The following LRRTM4 variants were observed in gnomAD, a reference collection of about 807,000 sequenced individuals.
LRRTM4 encodes leucine rich repeat transmembrane neuronal 4.
In LRRTM4, 25 loss-of-function variants were observed where a neutral mutation model predicts 47.6. The observed-to-expected ratio is 0.53, with a 90% CI of 0.38 to 0.73. The LOEUF (loss-of-function observed/expected upper bound fraction) is 0.73, where lower values mean the gene tolerates loss of function less well. Ranked by LOEUF, LRRTM4 falls within the 30% of genes least tolerant of loss-of-function variation. The probability of loss-of-function intolerance (pLI) is 0.00; values close to 1 mark genes in which losing one functional copy is unlikely to be tolerated. For missense variants in LRRTM4, 638 were observed against 713.4 expected (o/e 0.89, Z 1.20); for synonymous variants, 311 against 269.5 (o/e 1.15, Z -1.51).
Position 76,807,436 on chromosome 2 carries a change from ACG to A in LRRTM4, c.1552-58522_1552-58521del, listed in dbSNP as rs371747340. Among the ~76,000 whole-genome samples the A allele has an allele frequency of 8.5e-3, 518 of 60,862 alleles. 7 individuals are homozygous for A. The East Asian group carries it at 0.13, about 15-fold the overall frequency. 39.9% of individuals were successfully genotyped at this position (60,862 alleles called of 152,430 possible). A position where few individuals can be genotyped will look rare whatever the true frequency, so the allele number is the denominator to read the frequency against. ...TATATATATATATACATATATATAT[ACG>A]TATATACATATATATATATACATAT... On this transcript the variant is annotated intron_variant, in intron 3 of 3. Transcript: ENST00000409884.
intron 3 of LRRTM4, among the ~76,000 whole-genome samples, chr2:77,197,077 T>C (rs990293180): frequency 6.6e-6 from 1 of 152,172 alleles, no homozygotes; most frequent in African/African-American, 2.4e-5. Flanking sequence ...TCATCTATTT[T>C]AAATTACAAC....
chr2:76,803,529 G>T (rs1278932822), intron 3 of LRRTM4, among the ~76,000 whole-genome samples: 4 of 152,126 alleles, frequency 2.6e-5, no homozygotes, highest in Non-Finnish European at 5.9e-5. Flanking sequence ...ATGTGTAAAA[G>T]GATATAGAGG....
intron 3 of LRRTM4, among the ~76,000 whole-genome samples, chr2:77,131,036 G>T (rs1671788944): frequency 6.8e-6 from 1 of 146,278 alleles, no homozygotes; most frequent in African/African-American, 2.5e-5. Context: ...GGGTTTCACC[G>T]TTTTAGCCGG....
At chr2:77,023,923 T>C (rs1284599735) in intron 3 of LRRTM4, among the ~76,000 whole-genome samples, 1 of 152,088 alleles carries the variant, frequency 6.6e-6, no homozygotes, top group African/African-American at 2.4e-5. Context: ...TCTGTTCTCA[T>C]GCTGCTGATA....
chr2:77,207,900 T>C (rs1323248499), intron 3 of LRRTM4, among the ~76,000 whole-genome samples: 2 of 78,834 alleles, frequency 2.5e-5, no homozygotes, highest in Admixed American at 3.0e-4. Context: ...TTTTGTGAGA[T>C]GTAGTCTTGC....
chr2:77,220,277 G>C (rs906165172), intron 3 of LRRTM4, among the ~76,000 whole-genome samples: 1 of 152,118 alleles, frequency 6.6e-6, no homozygotes, highest in African/African-American at 2.4e-5. Context: ...AGAAAAACCG[G>C]AAACTCTAAA....
intron 3 of LRRTM4, among the ~76,000 whole-genome samples, chr2:77,221,124 G>T (rs1348392293): frequency 8.5e-5 from 13 of 152,092 alleles, no homozygotes; most frequent in African/African-American, 1.2e-4. Context: ...AAGTGAAGGA[G>T]AAATAAAATA....
chr2:76,785,475 G>T (rs1369882114), intron 3 of LRRTM4, among the ~76,000 whole-genome samples: 1 of 152,090 alleles, frequency 6.6e-6, no homozygotes, highest in African/African-American at 2.4e-5. Flanking sequence ...TAGAAAAGCA[G>T]ATCATATGGG....
intron 3 of LRRTM4, among the ~76,000 whole-genome samples, chr2:76,992,963 A>G (rs75415155): frequency 0.016 from 2,413 of 151,944 alleles, 63 homozygotes; most frequent in African/African-American, 0.056. Context: ...ACCCAGAAAT[A>G]AAGCCCACAC....
At chr2:76,906,022 G>T (rs150157637) in intron 3 of LRRTM4, among the ~76,000 whole-genome samples, 1 of 151,974 alleles carries the variant, frequency 6.6e-6, no homozygotes, top group Admixed American at 6.6e-5. Flanking sequence ...CTCGAGAAGA[G>T]CAACTCCAAG....
chr2:77,087,662 C>A (rs1337965086), intron 3 of LRRTM4, among the ~76,000 whole-genome samples: 1 of 152,086 alleles, frequency 6.6e-6, no homozygotes, highest in African/African-American at 2.4e-5. Context: ...TGAAGCCCAA[C>A]AGCATAGGAT....
rs148682699 is a variant in LRRTM4, at chr2:77,096,590, T to C, written c.1552-347674A>G. 9.0e-3 allele frequency among the ~76,000 whole-genome samples: 1,360 copies of C among 151,600 alleles called. 20 individuals carry two copies. Among genetic ancestry groups the C allele is most frequent in the African/African-American group, 0.031 (1,279 of 41,554 alleles). Reference sequence around the variant, plus strand: ...TAAATAATGTCTGATTATGACATGATATAAAAGTAAAAAGTGATAAAATCT... The same window carrying C: ...TAAATAATGTCTGATTATGACATGACATAAAAGTAAAAAGTGATAAAATCT... On this transcript the variant is annotated intron_variant, in intron 3 of 3. Transcript: ENST00000409884.
At chr2:76,874,591 G>T (rs1156868655) in intron 3 of LRRTM4, among the ~76,000 whole-genome samples, 1 of 150,614 alleles carries the variant, frequency 6.6e-6, no homozygotes, top group South Asian at 2.1e-4. Flanking sequence ...CACATGAAGG[G>T]ACCACTGTTT....
chr2:77,093,941 A>G (rs1351910366), intron 3 of LRRTM4, among the ~76,000 whole-genome samples: 1 of 151,824 alleles, frequency 6.6e-6, no homozygotes, highest in Non-Finnish European at 1.5e-5. Context: ...GCCAGAGAAC[A>G]AACCCGCTTT....
intron 3 of LRRTM4, among the ~76,000 whole-genome samples, chr2:77,165,932 G>A (rs900099867): frequency 2.0e-5 from 3 of 152,064 alleles, no homozygotes; most frequent in African/African-American, 7.2e-5. Flanking sequence ...ACCACTCCTA[G>A]TCAACATAAT....
chr2:76,784,699 A>T (rs1674579869), intron 3 of LRRTM4, among the ~76,000 whole-genome samples: 1 of 152,084 alleles, frequency 6.6e-6, no homozygotes, highest in Non-Finnish European at 1.5e-5. Flanking sequence ...AGTTCTTATT[A>T]ATATCATTTT....
intron 3 of LRRTM4, among the ~76,000 whole-genome samples, chr2:77,364,567 G>T (rs1157876928): frequency 6.6e-6 from 1 of 151,910 alleles, no homozygotes; most frequent in Non-Finnish European, 1.5e-5. Flanking sequence ...AATTCCTATT[G>T]CATCCTCTAT....
At chr2:77,463,283 T>C (rs1676860848) in intron 3 of LRRTM4, among the ~76,000 whole-genome samples, 1 of 152,070 alleles carries the variant, frequency 6.6e-6, no homozygotes, top group Non-Finnish European at 1.5e-5. Flanking sequence ...GGGACCACAG[T>C]TGTATATGTG....
rs555027701 is a variant in LRRTM4, at chr2:77,483,747, A to G, written c.1551+34571T>C. Among the ~76,000 whole-genome samples the G allele has an allele frequency of 4.6e-5, 7 of 152,252 alleles. No individual in the cohort carries two copies. The South Asian group carries it at 1.2e-3, about 27-fold the overall frequency. Reference sequence around the variant, plus strand: ...TTGAAATCTGAATTAATGTGGATCAAGAAAATGTTGGGGGATTGGTATTAA... The same window carrying G: ...TTGAAATCTGAATTAATGTGGATCAGGAAAATGTTGGGGGATTGGTATTAA... On this transcript the variant is annotated intron_variant, in intron 3 of 3. Transcript: ENST00000409884.
Sources: gnomAD v4.1 joint callset for allele counts (sites outside exome capture counted in the v4.1 genomes callset) on GRCh38, gnomAD v4.1.1 for gene constraint, MANE v1.5 for transcripts, NCBI Gene and HGNC (gene_info 2026-07-23, HGNC 2026-07-21) for gene names.